RECK: variants seen among roughly 807,000 people sequenced by gnomAD.
The protein encoded by RECK is reversion-inducing cysteine-rich protein with Kazal motifs.
In RECK, 69 loss-of-function variants were observed where a neutral mutation model predicts 115.1. The ratio of observed to expected loss-of-function variants is 0.60; its 90% CI spans 0.49 to 0.73. The LOEUF (loss-of-function observed/expected upper bound fraction) is 0.73. Among genes scored for constraint, RECK ranks in the 30% least tolerant of loss-of-function variants. The probability of loss-of-function intolerance (pLI) is 0.00; values close to 1 mark genes in which losing one functional copy is unlikely to be tolerated. For missense variants in RECK, 1,047 were observed against 1,203.7 expected, an observed-to-expected ratio of 0.87 and a Z score of 1.93; for synonymous variants, 414 against 419.7, an observed-to-expected ratio of 0.99 and a Z score of 0.17.
intron 1 of RECK, among the ~76,000 whole-genome samples, chr9:36,044,816 G>A (rs1226601816): frequency 6.6e-6 from 1 of 152,180 alleles, no homozygotes; most frequent in East Asian, 1.9e-4. Context: ...TTCTAGGTAA[G>A]TGTAGATTTT....
intron 1 of RECK, among the ~76,000 whole-genome samples, chr9:36,039,603 A>G (rs1288752909): frequency 1.3e-5 from 2 of 152,210 alleles, no homozygotes; most frequent in Admixed American, 1.3e-4. Context: ...CCTATCCTGC[A>G]GTATCAGCAT....
intron 6 of RECK, among the ~76,000 whole-genome samples, chr9:36,070,525 TAGAG>T (rs921406322): frequency 4.9e-5 from 7 of 143,056 alleles, no homozygotes; most frequent in South Asian, 2.2e-4. Flanking sequence ...AAAAAAAAAA[TAGAG>T]AGTAGAGAGC....
chr9:36,056,202 A>G (rs7040379), intron 2 of RECK, among the ~76,000 whole-genome samples: 7,267 of 152,066 alleles, frequency 0.048, 333 homozygotes, highest in South Asian at 0.18. Flanking sequence ...ATATTATTTG[A>G]TCCATAGCTT....
At chr9:36,076,653 A>G (rs140234891) in intron 6 of RECK, among the ~76,000 whole-genome samples, 45 of 152,276 alleles carry the variant, frequency 3.0e-4, no homozygotes, top group African/African-American at 1.1e-3. Flanking sequence ...TTTAATCGCG[A>G]GAGTAGGGCA....
At chr9:36,086,545 C>G (rs565097608) in intron 8 of RECK, among the ~76,000 whole-genome samples, 102 of 152,284 alleles carry the variant, frequency 6.7e-4, no homozygotes, top group African/African-American at 2.4e-3. Context: ...AAGAACAAAA[C>G]TTCCACAGCA....
intron 6 of RECK, among the ~76,000 whole-genome samples, chr9:36,073,429 G>A (rs796614705): frequency 5.3e-5 from 8 of 152,104 alleles, no homozygotes; most frequent in African/African-American, 1.9e-4. Flanking sequence ...TGTCTCTCAA[G>A]CCTAAAGAGT....
chr9:36,083,174 T>C (rs1254589874), intron 7 of RECK, among the ~76,000 whole-genome samples, 191 bp from the exon 8 acceptor site: 1 of 152,212 alleles, frequency 6.6e-6, no homozygotes, highest in Non-Finnish European at 1.5e-5. Context: ...TTAATGACTT[T>C]ATTACACTAG....
intron 6 of RECK, among the ~76,000 whole-genome samples, chr9:36,076,285 C>T (rs1055531926): frequency 6.6e-6 from 1 of 152,136 alleles, no homozygotes; most frequent in Non-Finnish European, 1.5e-5. Context: ...AACCAGTTTC[C>T]TATTTTAAAA....
chr9:36,083,959 C>G (rs1366436784), intron 8 of RECK, among the ~76,000 whole-genome samples: 1 of 152,090 alleles, frequency 6.6e-6, no homozygotes. Flanking sequence ...ACAATGTTCA[C>G]TACAATGCTG....
chr9:36,080,301 A>G (rs745764207), intron 6 of RECK, among the ~76,000 whole-genome samples: 2 of 152,214 alleles, frequency 1.3e-5, no homozygotes, highest in Non-Finnish European at 2.9e-5. Context: ...TATATCCTGC[A>G]AGGAATAATT....
intron 15 of RECK, 66 bp from the exon 16 acceptor site, chr9:36,112,239 A>AC: frequency 1.3e-6 from 2 of 1,516,656 alleles, no homozygotes; most frequent in South Asian, 2.3e-5. Context: ...GTTTGCCTTA[A>AC]CAAGGAAATA....
At chr9:36,044,183 C>A (rs902841478) in intron 1 of RECK, among the ~76,000 whole-genome samples, 1 of 151,648 alleles carries the variant, frequency 6.6e-6, no homozygotes, top group African/African-American at 2.4e-5. Flanking sequence ...AATTCTTTCA[C>A]CTCCTTGGTT....
intron 13 of RECK, among the ~76,000 whole-genome samples, chr9:36,106,529 C>T (rs1349141143): frequency 2.0e-5 from 3 of 151,266 alleles, no homozygotes; most frequent in African/African-American, 4.8e-5. Context: ...TGAGCCACTG[C>T]GCCCGGCCTT....
chr9:36,058,851 C>G lies in RECK; in HGVS notation c.184C>G (p.Arg62Gly). 6.3e-7 allele frequency: 1 copy of G among 1,591,430 alleles called. No individual in the cohort carries two copies. Among genetic ancestry groups the G allele is most frequent in the Non-Finnish European group, 8.6e-7 (1 of 1,167,886 alleles). ...GATTTTCTCCTCAAAAAGTGAATCC[C>G]GACTAAAACATCTGTTGCAGCGAGC... ...EQIFSSKSES[R>G]LKHLLQRAPD... is the part of the protein sequence containing the mutation. The change falls in exon 3 of 21, where the codon CGA (arginine) becomes GGA (glycine). Residue 62 changes from arginine (R) to glycine (G), a missense_variant. Transcript: ENST00000377966.
Position 36,087,802 on chromosome 9 carries a change from G to T in RECK, c.746G>T (p.Gly249Val), listed in dbSNP as rs1823023456. The part of the protein sequence containing the change: ...EMEIVDGLIE[G>V]CKTQPLPQDP... The stretch of plus-strand genomic sequence containing the variant: ...GAGATTGTTGATGGTCTCATCGAGG[G>T]TTGTAAGACCCAGCCCTTGCCTCAA... Residue 249 changes from glycine to valine, a missense_variant, in exon 9 of 21, where the codon GGT becomes GTT. By Grantham distance (109) the Gly-to-Val change is moderately radical. Coordinates refer to ENST00000377966, the MANE Select transcript of RECK (RefSeq NM_021111.3). 7.4e-6 allele frequency: 12 copies of T among 1,614,008 alleles called. No individual in the cohort carries two copies. Among genetic ancestry groups the T allele is most frequent in the Middle Eastern group, 1.7e-4 (1 of 6,060 alleles).
intron 10 of RECK, among the ~76,000 whole-genome samples, 196 bp downstream of exon 10, chr9:36,091,539 A>G (rs2132638505): frequency 6.6e-6 from 1 of 152,346 alleles, no homozygotes; most frequent in South Asian, 2.1e-4. Flanking sequence ...CTTCCAATCT[A>G]GAGATACCTC....
chr9:36,109,710 G>A (rs1307322791), intron 14 of RECK, among the ~76,000 whole-genome samples: 1 of 152,084 alleles, frequency 6.6e-6, no homozygotes, highest in Non-Finnish European at 1.5e-5. Flanking sequence ...CAGATGTGGT[G>A]GTGTACACCT....
At chr9:36,058,997 G>T in intron 3 of RECK, 96 bp downstream of exon 3, 1 of 722,304 alleles carries the variant, frequency 1.4e-6, no homozygotes. Context: ...AATGTGATTG[G>T]AATTTGTGGT....
intron 6 of RECK, among the ~76,000 whole-genome samples, chr9:36,077,538 C>T (rs973835166): frequency 6.6e-6 from 1 of 152,072 alleles, no homozygotes; most frequent in Non-Finnish European, 1.5e-5. Flanking sequence ...TGCTGGTATA[C>T]TGGAATGAAG....
Sources: allele counts gnomAD v4.1 joint callset (sites outside exome capture counted in the v4.1 genomes callset), GRCh38; gene constraint gnomAD v4.1.1; transcripts MANE v1.5; gene names NCBI Gene and HGNC (gene_info 2026-07-23, HGNC 2026-07-21).